KDM1A: variants seen among roughly 807,000 people sequenced by gnomAD.
KDM1A encodes the protein lysine-specific histone demethylase 1A.
A neutral mutation model predicts 109.4 loss-of-function variants in KDM1A; 49 were observed. The observed-to-expected ratio is 0.45, with a 90% CI of 0.36 to 0.57. The LOEUF (loss-of-function observed/expected upper bound fraction) is 0.57. Among genes scored for constraint, KDM1A ranks in the 20% least tolerant of loss-of-function variants. The pLI is 0.00. For synonymous variants in KDM1A, 380 were observed against 415.4 expected, an observed-to-expected ratio of 0.91 and a Z score of 1.04; for missense variants, 668 against 1,116.6, an observed-to-expected ratio of 0.60 and a Z score of 5.73.
Position 23,019,639 on chromosome 1 carries a change from G to T in KDM1A, c.43G>T (p.Ala15Ser). The T allele has an allele frequency of 7.1e-7, 1 of 1,413,708 alleles. No individual in the cohort carries two copies. The highest frequency in any genetic ancestry group is 2.9e-5 in the East Asian group (1 of 34,034). The allele number at this position is 1,413,708 out of a possible 1,614,324, so 87.6% of individuals were successfully genotyped here. A position where few individuals can be genotyped will look rare whatever the true frequency, so the allele number is the denominator to read the frequency against. The change falls in exon 1 of 21, where the codon GCA (alanine) becomes TCA (serine). Residue 15 changes from alanine (A) to serine (S), a missense_variant. This residue lies in a region of KDM1A where 156 missense variants were observed against 163.4 expected (regional missense o/e 0.95). Transcript: ENST00000400181. ...KKAAAAAAAA[A>S]AAATGTEAGP... ...GGCGGCAGCCGCGGCGGCGGCGGCT[G>T]CAGCGGCAGCAACCGGGACGGAGGC... is the stretch of plus-strand genomic sequence containing the variant.
chr1:23,063,521 TGAACAAA>T (rs530379968), intron 9 of KDM1A, among the ~76,000 whole-genome samples: 60 of 152,304 alleles, frequency 3.9e-4, no homozygotes, highest in African/African-American at 1.4e-3. Flanking sequence ...TTTCTTCCTT[TGAACAAA>T]CATCTTCAAT....
Position 23,079,556 on chromosome 1 carries a change from GTGT to G in KDM1A, c.2063_2065del (p.Leu688del). 2 of 1,612,756 alleles carry G rather than the reference GTGT, an allele frequency of 1.2e-6. No individual in the cohort carries two copies. The highest frequency in any genetic ancestry group is 8.5e-7 in the Non-Finnish European group (1 of 1,179,266). ...ATGTGCTTCTTTCTTATGGTAGGTGGTGTTGTGTTTTGATCGGGTGTTCTGGGA... is the reference window on the plus strand; with the variant it reads ...ATGTGCTTCTTTCTTATGGTAGGTGGTGTGTTTTGATCGGGTGTTCTGGGA... On this transcript the variant is annotated inframe_deletion, in exon 18 of 21. Transcript: ENST00000400181. The surrounding 1 kb of genome is among the most constrained non-coding windows in gnomAD (Gnocchi z 5.6).
intron 1 of KDM1A, 87 bp downstream of exon 1, chr1:23,020,034 T>C: frequency 7.5e-7 from 1 of 1,340,916 alleles, no homozygotes; most frequent in Admixed American, 3.6e-5. Context: ...CCGCCGGGTC[T>C]TGGGCCCTGC....
At chr1:23,068,488 G>A (rs1569786800) in intron 10 of KDM1A, 51 bp from the exon 11 acceptor site, 3 of 1,449,988 alleles carry the variant, frequency 2.1e-6, no homozygotes, top group Non-Finnish European at 2.8e-6. Flanking sequence ...TTTCATGGAT[G>A]GTTATGTTTA....
chr1:23,038,655 TC>T (rs1184835900), intron 2 of KDM1A, among the ~76,000 whole-genome samples: 4 of 152,204 alleles, frequency 2.6e-5, no homozygotes, highest in Admixed American at 2.6e-4. Flanking sequence ...TTTGCATTTC[TC>T]CCTAGCTTGT....
intron 2 of KDM1A, among the ~76,000 whole-genome samples, chr1:23,033,262 G>A (rs993573408): frequency 6.6e-6 from 1 of 152,136 alleles, no homozygotes; most frequent in Admixed American, 6.5e-5. Context: ...GGCCAGGCGC[G>A]GTGGCTCCCA....
intron 15 of KDM1A, 97 bp from the exon 16 acceptor site, chr1:23,077,131 C>G (rs1569816188): frequency 8.4e-7 from 1 of 1,183,924 alleles, no homozygotes; most frequent in East Asian, 2.5e-5. Context: ...TTGACTGTTT[C>G]CACAAGCTTG....
intron 3 of KDM1A, among the ~76,000 whole-genome samples, chr1:23,049,196 G>A (rs968433444): frequency 3.4e-4 from 51 of 148,800 alleles, no homozygotes; most frequent in African/African-American, 1.2e-3. Flanking sequence ...GATATCTGGC[G>A]CCTATTTTGT....
Position 23,077,291 on chromosome 1 carries a change from G to C in KDM1A, c.1798G>C (p.Val600Leu). Residue 600 changes from valine (V) to leucine (L), a missense_variant, in exon 16 of 21, where the codon GTG becomes CTG. By Grantham distance (32) the Val-to-Leu change is conservative. Transcript: ENST00000400181. ...AAGGAATGGCTACTCGTGTGTGCCT[G>C]TGGCTTTAGCAGAAGGCCTAGACAT... ...TVRNGYSCVPVALAEGLDIKL... is the reference protein window; with the variant it reads ...TVRNGYSCVPLALAEGLDIKL... The C allele has an allele frequency of 1.2e-6, 2 of 1,614,124 alleles. No individual in the cohort carries two copies. The highest frequency in any genetic ancestry group is 1.7e-6 in the Non-Finnish European group (2 of 1,179,950).
Position 23,019,951 on chromosome 1 carries a change from A to G in KDM1A, c.351+4A>G, listed in dbSNP as rs562366835. On this transcript the variant is annotated splice_donor_region_variant and intron_variant, in intron 1 of 20. Transcript: ENST00000400181. ...CAGCCGGCGCAAGCGGGCGAAGGTA[A>G]GGCTCGACCCTTCCCTCAAACGACA... 7.8e-6 allele frequency: 12 copies of G among 1,543,666 alleles called. No homozygotes were observed. The South Asian group carries it at 9.6e-5, about 12-fold the overall frequency.
chr1:23,068,668 G>C lies in KDM1A; in HGVS notation c.1309G>C (p.Glu437Gln). 6.4e-7 allele frequency: 1 copy of C among 1,560,972 alleles called. No homozygotes were observed. ...NKPVSLGQALEVVIQLQEKHV... is the reference protein window; with the variant it reads ...NKPVSLGQALQVVIQLQEKHV... ...GCCTGTGTCCCTTGGCCAGGCATTG[G>C]AAGTTGTCATTCAGTAAGTACTTTG... The change falls in exon 11 of 21, where the codon GAA (glutamate) becomes CAA (glutamine). Residue 437 changes from glutamate to glutamine, a missense_variant. Physicochemically the swap from Glu to Gln is conservative, Grantham distance 29. This residue lies in a region of KDM1A where 62 missense variants were observed against 82.8 expected (regional missense o/e 0.75). Coordinates refer to ENST00000400181, the MANE Select transcript of KDM1A (RefSeq NM_001009999.3).
At chr1:23,037,854 A>G (rs186256418) in intron 2 of KDM1A, among the ~76,000 whole-genome samples, 1 of 152,154 alleles carries the variant, frequency 6.6e-6, no homozygotes, top group African/African-American at 2.4e-5. Flanking sequence ...GATTTGTTGT[A>G]CTTTTTATTA....
intron 14 of KDM1A, 132 bp downstream of exon 14, chr1:23,072,329 G>T (rs1435509885): frequency 4.4e-6 from 3 of 677,822 alleles, no homozygotes; most frequent in Non-Finnish European, 7.8e-6. Context: ...TTAAATAAAT[G>T]AATGTGTGAC....
intron 3 of KDM1A, among the ~76,000 whole-genome samples, chr1:23,046,465 T>G (rs938588836): frequency 6.6e-6 from 1 of 152,174 alleles, no homozygotes; most frequent in African/African-American, 2.4e-5. Flanking sequence ...GTTATCTACT[T>G]GATATAAAAA....
rs201520274 is a variant in KDM1A, at chr1:23,083,646, TG to T, written c.*283del. 0.011 allele frequency: 2,406 copies of T among 212,920 alleles called. No homozygotes were observed. The highest frequency in any genetic ancestry group is 0.023 in the Middle Eastern group (14 of 614). The allele number at this position is 212,920 out of a possible 1,614,324, so 13.2% of individuals were successfully genotyped here. Reference sequence around the variant, plus strand: ...TTAGTCCCTTGGTGTGTGGGGTTTTTGTTTTTTTTTTATATTTTGAGAATAA... The same window carrying T: ...TTAGTCCCTTGGTGTGTGGGGTTTTTTTTTTTTTTTATATTTTGAGAATAA... On this transcript the variant is annotated 3_prime_UTR_variant, in exon 21 of 21. Coordinates refer to ENST00000400181, the MANE Select transcript of KDM1A (RefSeq NM_001009999.3).
In KDM1A at chr1:23,078,121, CCCTTT is replaced by C. The variant is rs1331373941; in HGVS notation, c.1867+766_1867+770del. Among the ~76,000 whole-genome samples, 11 of 152,218 alleles carry C rather than the reference CCCTTT, an allele frequency of 7.2e-5. No individual in the cohort carries two copies. In the East Asian group the frequency reaches 1.7e-3, roughly 24 times the overall value. ...AGCCATCAATCTTACCCTGCGCTGC[CCCTTT>C]CCTTGGAGTTACTGAGATCACCACA... On this transcript the variant is annotated intron_variant, in intron 16 of 20. Coordinates refer to ENST00000400181, the MANE Select transcript of KDM1A (RefSeq NM_001009999.3).
chr1:23,027,203 A>G (rs965633278), intron 1 of KDM1A, among the ~76,000 whole-genome samples: 2 of 152,134 alleles, frequency 1.3e-5, no homozygotes, highest in Non-Finnish European at 2.9e-5. Flanking sequence ...TTGTCAGTCT[A>G]TGAGAAAATG....
At chr1:23,063,214 T>G (rs1431724230) in intron 9 of KDM1A, among the ~76,000 whole-genome samples, 511 of 20,116 alleles carry the variant, frequency 0.025, 11 homozygotes, top group Non-Finnish European at 0.038. Context: ...GGGTGTGGTG[T>G]GGGGTGGGTG....
chr1:23,033,774 C>T (rs1424403226), intron 2 of KDM1A, among the ~76,000 whole-genome samples: 2 of 152,116 alleles, frequency 1.3e-5, no homozygotes, highest in Non-Finnish European at 2.9e-5. Context: ...TGTGAATAGC[C>T]TTGGTTGACT....
Sources: gnomAD v4.1 joint callset for allele counts (sites outside exome capture counted in the v4.1 genomes callset) on GRCh38, gnomAD v4.1.1 for gene constraint, gnomAD v4.1.1 regional missense constraint, Gnocchi (gnomAD v3.1) non-coding constraint, MANE v1.5 for transcripts, NCBI Gene and HGNC (gene_info 2026-07-23, HGNC 2026-07-21) for gene names.